Variants in SLC1A3 observed in about 807,000 individuals in gnomAD.
SLC1A3 encodes the protein excitatory amino acid transporter 1.
Under a neutral mutation model 48.1 loss-of-function variants are expected in SLC1A3, and 21 were observed. The ratio of observed to expected loss-of-function variants is 0.44; its 90% confidence interval spans 0.31 to 0.63. SLC1A3 has a LOEUF of 0.63. Among genes scored for constraint, SLC1A3 ranks in the 20% least tolerant of loss-of-function variants. The probability of loss-of-function intolerance (pLI) is 0.08; values close to 1 mark genes in which losing one functional copy is unlikely to be tolerated. For missense variants in SLC1A3, 546 were observed against 689.0 expected, an observed-to-expected ratio of 0.79 and a Z score of 2.32; for synonymous variants, 239 against 251.4, an observed-to-expected ratio of 0.95 and a Z score of 0.47.
At chr5:36,628,678 T>A (rs1464226020) in intron 2 of SLC1A3, among the ~76,000 whole-genome samples, 1 of 152,240 alleles carries the variant, frequency 6.6e-6, no homozygotes, top group Non-Finnish European at 1.5e-5. Context: ...TCAGTAGTTA[T>A]CATGCATAAT....
intron 2 of SLC1A3, among the ~76,000 whole-genome samples, chr5:36,620,323 T>C (rs1364613789): frequency 1.3e-5 from 2 of 152,174 alleles, no homozygotes; most frequent in African/African-American, 4.8e-5. Context: ...AAAACCTACC[T>C]TAGGAGCAAA....
chr5:36,645,567 C>T (rs1017155002), intron 3 of SLC1A3, among the ~76,000 whole-genome samples: 1 of 151,846 alleles, frequency 6.6e-6, no homozygotes, highest in Non-Finnish European at 1.5e-5. Context: ...TTGTGATCTA[C>T]CCCCACCTCG....
Position 36,620,619 on chromosome 5 carries a change from A to C in SLC1A3, c.182-8831A>C, listed in dbSNP as rs536487111. On this transcript the variant is annotated intron_variant, in intron 2 of 9. Coordinates refer to ENST00000265113, the MANE Select transcript of SLC1A3 (RefSeq NM_004172.5). ...TCCTGCTCATCTGAAAGAAAATAAG[A>C]CATGTTTGTTCATTCGTTCAACAAT... is the stretch of plus-strand genomic sequence containing the variant. 5.3e-4 allele frequency among the ~76,000 whole-genome samples: 80 copies of C among 152,278 alleles called. No homozygotes were observed. In the South Asian group the frequency reaches 0.016, roughly 31 times the overall value.
intron 3 of SLC1A3, among the ~76,000 whole-genome samples, chr5:36,658,262 G>T (rs1254776605): frequency 1.3e-5 from 2 of 152,254 alleles, no homozygotes; most frequent in South Asian, 2.1e-4. Flanking sequence ...AAGAGACAGA[G>T]ACAGGAAAAC....
At chr5:36,685,101 C>A (rs751543550) in intron 9 of SLC1A3, among the ~76,000 whole-genome samples, 6 of 152,102 alleles carry the variant, frequency 3.9e-5, no homozygotes, top group African/African-American at 7.2e-5. Context: ...ATATTAGACA[C>A]ACTTATAAAT....
intron 3 of SLC1A3, among the ~76,000 whole-genome samples, chr5:36,651,301 C>T (rs1228705345): frequency 5.3e-5 from 8 of 151,402 alleles, no homozygotes; most frequent in Non-Finnish European, 5.9e-5. Flanking sequence ...CTAGTCTGGG[C>T]AACACCATAT....
upstream of SLC1A3, among the ~76,000 whole-genome samples, chr5:36,601,918 C>T (rs1022852196): frequency 1.3e-5 from 2 of 152,070 alleles, no homozygotes; most frequent in African/African-American, 4.8e-5. Flanking sequence ...TGCAGCAACT[C>T]TTTTCTGAGC....
At position 36,686,305 on chromosome 5, in the gene SLC1A3, G is replaced by A; in HGVS notation, c.*36G>A. ...AGAAACACTTTCTTGAGCACCAGGT[G>A]TTAAAAACCATTATAAAATCTTTCC... On this transcript the variant is annotated 3_prime_UTR_variant, in exon 10 of 10. Coordinates refer to ENST00000265113, the MANE Select transcript of SLC1A3 (RefSeq NM_004172.5). 1 of 1,468,962 alleles carries A rather than the reference G, an allele frequency of 6.8e-7. No individual in the cohort carries two copies. Among genetic ancestry groups the A allele is most frequent in the Non-Finnish European group, 9.5e-7 (1 of 1,047,584 alleles). The allele number at this position is 1,468,962 out of a possible 1,614,324, so 91.0% of individuals were successfully genotyped here. A position where few individuals can be genotyped will look rare whatever the true frequency, so the allele number is the denominator to read the frequency against.
rs1742636982 is a variant in SLC1A3, at chr5:36,686,133, C to T, written c.1493C>T (p.Ser498Leu). ...GGAGCTGGGATTGTGGAGCACTTGT[C>T]ACGACATGAACTGAAGAACAGAGAT... ...SLGAGIVEHL[S>L]RHELKNRDVE... is the part of the protein sequence containing the mutation. Residue 498 changes from serine to leucine, a missense_variant, in exon 10 of 10, where the codon TCA becomes TTA. Coordinates refer to ENST00000265113, the MANE Select transcript of SLC1A3 (RefSeq NM_004172.5). The T allele has an allele frequency of 6.2e-7, 1 of 1,614,038 alleles. No homozygotes were observed. The highest frequency in any genetic ancestry group is 1.3e-5 in the African/African-American group (1 of 74,928).
At chr5:36,652,866 T>C (rs1368768764) in intron 3 of SLC1A3, among the ~76,000 whole-genome samples, 2 of 152,220 alleles carry the variant, frequency 1.3e-5, no homozygotes, top group African/African-American at 2.4e-5. Context: ...GAAATTGGCG[T>C]GACTGCTGTG....
At chr5:36,671,593 C>T (rs920519853) in intron 4 of SLC1A3, among the ~76,000 whole-genome samples, 5 of 152,124 alleles carry the variant, frequency 3.3e-5, no homozygotes, top group Admixed American at 2.0e-4. Flanking sequence ...CAAGTATGCC[C>T]TATTCTTTGG....
rs201618221 is a variant in SLC1A3 at position 36,683,916 on chromosome 5, C to T, written c.1342C>T (p.Leu448=). 9.6e-5 allele frequency: 155 copies of T among 1,614,198 alleles called. 1 individual carries two copies. In the East Asian group the frequency reaches 1.8e-3, roughly 19 times the overall value. The change falls in exon 9 of 10, where the codon CTG becomes TTG. Residue 448 remains leucine (L), a synonymous_variant. Transcript: ENST00000265113. The stretch of plus-strand genomic sequence containing the variant: ...GGCAGCTGGAATTCCTCAGGCGGGC[C>T]TGGTCACTATGGTCATTGTGCTGAC... ...IGAAGIPQAG[L]VTMVIVLTSV...
intron 2 of SLC1A3, among the ~76,000 whole-genome samples, chr5:36,610,603 G>A (rs1038459834): frequency 2.6e-5 from 4 of 152,184 alleles, no homozygotes; most frequent in Non-Finnish European, 4.4e-5. Context: ...GATGGAGAAG[G>A]AAGTTCCTAA....
chr5:36,675,848 C>G (rs563319642), intron 5 of SLC1A3, among the ~76,000 whole-genome samples: 23 of 152,088 alleles, frequency 1.5e-4, no homozygotes, highest in Non-Finnish European at 3.1e-4. Flanking sequence ...TTCCATTAAC[C>G]CTTGGTAAAG....
chr5:36,648,715 C>G (rs1332868489), intron 3 of SLC1A3, among the ~76,000 whole-genome samples: 1 of 152,212 alleles, frequency 6.6e-6, no homozygotes, highest in African/African-American at 2.4e-5. Context: ...TTTTAGGCAT[C>G]AACAGGTCAT....
At chr5:36,615,534 T>C (rs1329294294) in intron 2 of SLC1A3, among the ~76,000 whole-genome samples, 1 of 152,198 alleles carries the variant, frequency 6.6e-6, no homozygotes, top group African/African-American at 2.4e-5. Flanking sequence ...GCTCTGGGTC[T>C]GATAATCAGT....
chr5:36,672,372 A>G (rs1742033080), intron 4 of SLC1A3, among the ~76,000 whole-genome samples: 1 of 152,164 alleles, frequency 6.6e-6, no homozygotes, highest in Non-Finnish European at 1.5e-5. Context: ...ATCTAGAATG[A>G]CAAAGGAAAG....
chr5:36,671,496 C>T (rs779730075), intron 4 of SLC1A3, among the ~76,000 whole-genome samples: 36 of 152,304 alleles, frequency 2.4e-4, no homozygotes, highest in Non-Finnish European at 3.5e-4. Context: ...GGTCACTGAC[C>T]TCTCTCAACT....
intron 2 of SLC1A3, among the ~76,000 whole-genome samples, chr5:36,618,746 A>G (rs1739546947): frequency 6.6e-6 from 1 of 152,226 alleles, no homozygotes. Flanking sequence ...GGAAATTTTA[A>G]ACATATTTCA....
Sources: allele counts gnomAD v4.1 joint callset (sites outside exome capture counted in the v4.1 genomes callset), GRCh38; gene constraint gnomAD v4.1.1; transcripts MANE v1.5; gene names NCBI Gene and HGNC (gene_info 2026-07-23, HGNC 2026-07-21).